Variants in ROBO1 observed in about 807,000 individuals in gnomAD.
ROBO1 encodes the protein roundabout guidance receptor 1.
Under a neutral mutation model 195.9 loss-of-function variants are expected in ROBO1, and 149 were observed. That is an observed-to-expected ratio of 0.76 (90% CI 0.67 to 0.87). The LOEUF is 0.87. ROBO1 is among the 40% of genes least tolerant of loss of function. The pLI is 0.00. For synonymous variants in ROBO1, 816 were observed against 733.2 expected, an observed-to-expected ratio of 1.11 and a Z score of -1.82; for missense variants, 1,933 against 2,068.3, an observed-to-expected ratio of 0.93 and a Z score of 1.27.
chr3:79,049,247 G>T (rs963294673), intron 3 of ROBO1, among the ~76,000 whole-genome samples: 1 of 152,114 alleles, frequency 6.6e-6, no homozygotes, highest in Non-Finnish European at 1.5e-5. Context: ...ACTTCATGAT[G>T]CATTCACAAG....
intron 1 of ROBO1, among the ~76,000 whole-genome samples, chr3:79,755,116 G>A (rs1704319153): frequency 1.3e-5 from 2 of 152,094 alleles, no homozygotes; most frequent in South Asian, 4.2e-4. Flanking sequence ...ATGATCTCAG[G>A]TGATCCATCT....
chr3:79,318,045 C>A (rs1387859512), intron 2 of ROBO1, among the ~76,000 whole-genome samples: 1 of 152,142 alleles, frequency 6.6e-6, no homozygotes, highest in East Asian at 1.9e-4. Flanking sequence ...GCTGTAGAAA[C>A]AGGAAGAGCT....
At chr3:79,539,857 A>G (rs886985253) in intron 2 of ROBO1, among the ~76,000 whole-genome samples, 3 of 152,090 alleles carry the variant, frequency 2.0e-5, no homozygotes, top group African/African-American at 7.2e-5. Flanking sequence ...AAAATTGTCT[A>G]TTAATCATTA....
intron 4 of ROBO1, among the ~76,000 whole-genome samples, chr3:78,766,383 C>T (rs2083228997): frequency 1.3e-5 from 2 of 152,242 alleles, no homozygotes; most frequent in Non-Finnish European, 2.9e-5. Flanking sequence ...TACCCCAACC[C>T]CAACCCCCAG....
chr3:79,204,763 T>G (rs775725576), intron 2 of ROBO1, among the ~76,000 whole-genome samples: 3 of 152,166 alleles, frequency 2.0e-5, no homozygotes, highest in Non-Finnish European at 4.4e-5. Context: ...GCTATTGTTG[T>G]TTTAATTAGC....
At chr3:79,068,911 TTCC>T (rs1428822180) in intron 3 of ROBO1, among the ~76,000 whole-genome samples, 34 of 152,038 alleles carry the variant, frequency 2.2e-4, no homozygotes, top group Non-Finnish European at 4.0e-4. Context: ...TTCCTTTCTC[TTCC>T]ATTATCATGC....
intron 3 of ROBO1, among the ~76,000 whole-genome samples, chr3:78,955,060 TAGGTAAACTGTGTGTCATGGGGGTTATAC>T (rs1560044290): frequency 6.6e-6 from 1 of 151,004 alleles, no homozygotes; most frequent in Non-Finnish European, 1.5e-5. Context: ...TGGGGTTATA[TAGGTAAACTGTGTGTCATGGGGGTTATAC>T]AGGTAAACTG....
chr3:78,761,134 A>C (rs902628922), intron 4 of ROBO1, among the ~76,000 whole-genome samples: 1 of 152,126 alleles, frequency 6.6e-6, no homozygotes, highest in African/African-American at 2.4e-5. Context: ...CTTTCTCTGG[A>C]GATGTTAAGA....
At chr3:78,694,682 C>T (rs539137728) in intron 8 of ROBO1, among the ~76,000 whole-genome samples, 2 of 152,190 alleles carry the variant, frequency 1.3e-5, no homozygotes, top group African/African-American at 2.4e-5. Context: ...ATGGATAGAA[C>T]GTGGTTACAT....
chr3:79,596,197 C>T (rs901852130), intron 1 of ROBO1, among the ~76,000 whole-genome samples: 10 of 151,996 alleles, frequency 6.6e-5, no homozygotes, highest in Non-Finnish European at 1.3e-4. Context: ...TTAGGAGAGT[C>T]ATAAATACAT....
rs186367998 is a variant in ROBO1 at position 79,418,969 on chromosome 3, C to G, written c.88+170855G>C. ...CAAGGATGAATGATGACTAGTGTTACGATCTTCAGTCCAGGAGTGAAAAGA... is the reference window on the plus strand; with the variant it reads ...CAAGGATGAATGATGACTAGTGTTAGGATCTTCAGTCCAGGAGTGAAAAGA... On this transcript the variant is annotated intron_variant, in intron 2 of 30. Transcript: ENST00000464233. 1.3e-3 allele frequency among the ~76,000 whole-genome samples: 202 copies of G among 152,166 alleles called. 1 individual carries two copies. The highest frequency in any genetic ancestry group is 4.6e-3 in the African/African-American group (193 of 41,540).
At chr3:79,107,127 T>TCTCTCACACACACACACA (rs1370578718) in intron 3 of ROBO1, among the ~76,000 whole-genome samples, 2 of 136,388 alleles carry the variant, frequency 1.5e-5, no homozygotes, top group African/African-American at 5.3e-5. Flanking sequence ...TCTCTCTCTC[T>TCTCTCACACACACACACA]CACACACACA....
chr3:79,205,689 G>T (rs2081854485), intron 2 of ROBO1, among the ~76,000 whole-genome samples: 1 of 152,104 alleles, frequency 6.6e-6, no homozygotes, highest in Non-Finnish European at 1.5e-5. Flanking sequence ...CATCCCCTGT[G>T]CACAGTAATT....
chr3:79,180,122 A>G (rs994039944), intron 2 of ROBO1, among the ~76,000 whole-genome samples: 4 of 152,192 alleles, frequency 2.6e-5, no homozygotes, highest in African/African-American at 7.2e-5. Context: ...AAATATGATC[A>G]CACTGTTTAT....
intron 2 of ROBO1, among the ~76,000 whole-genome samples, chr3:79,163,602 A>C (rs1248061447): frequency 1.3e-5 from 2 of 152,084 alleles, no homozygotes; most frequent in Non-Finnish European, 2.9e-5. Context: ...TGGAACTGCC[A>C]TACTGTTTTT....
chr3:79,024,079 A>G (rs2078157272), intron 3 of ROBO1, among the ~76,000 whole-genome samples: 1 of 152,232 alleles, frequency 6.6e-6, no homozygotes, highest in Admixed American at 6.5e-5. Flanking sequence ...GTCCCACCAG[A>G]TGATGTACTC....
At chr3:78,855,289 C>T (rs948374643) in intron 4 of ROBO1, among the ~76,000 whole-genome samples, 1 of 152,096 alleles carries the variant, frequency 6.6e-6, no homozygotes, top group African/African-American at 2.4e-5. Flanking sequence ...CCTAAGTGCC[C>T]AAGTTAGCAT....
chr3:79,682,744 C>T lies in ROBO1; in HGVS notation c.-51+85008G>A, dbSNP rs527577007. 5.9e-5 allele frequency among the ~76,000 whole-genome samples: 9 copies of T among 151,864 alleles called. No individual in the cohort carries two copies. The South Asian group carries it at 1.2e-3, about 21-fold the overall frequency. On this transcript the variant is annotated intron_variant, in intron 1 of 30. Coordinates refer to ENST00000464233, the MANE Select transcript of ROBO1 (RefSeq NM_002941.4). ...ATAGAACTTCCTCATTACAGAATTGCCCTTACTTGGGCATAACCGCATGTT... is the reference window on the plus strand; with the variant it reads ...ATAGAACTTCCTCATTACAGAATTGTCCTTACTTGGGCATAACCGCATGTT...
chr3:78,806,167 T>C (rs915833504), intron 4 of ROBO1, among the ~76,000 whole-genome samples: 22 of 151,928 alleles, frequency 1.4e-4, no homozygotes, highest in African/African-American at 5.3e-4. Flanking sequence ...AGAGACAGGG[T>C]CTCACTATGT....
Sources: allele counts gnomAD v4.1 joint callset (sites outside exome capture counted in the v4.1 genomes callset), GRCh38; gene constraint gnomAD v4.1.1; transcripts MANE v1.5; gene names NCBI Gene and HGNC (gene_info 2026-07-23, HGNC 2026-07-21).